PSMA6: variants seen among roughly 807,000 people sequenced by gnomAD.
PSMA6 encodes proteasome subunit alpha type-6.
For missense variants in PSMA6, 170 were observed against 294.8 expected, an observed-to-expected ratio of 0.58 and a Z score of 3.10; for synonymous variants, 88 against 97.7, an observed-to-expected ratio of 0.90 and a Z score of 0.59.
At chr14:35,284,166 A>G (rs898283410) in intron 1 of PSMA6, among the ~76,000 whole-genome samples, 4 of 152,068 alleles carry the variant, frequency 2.6e-5, no homozygotes, top group Non-Finnish European at 4.4e-5. Flanking sequence ...ACCCTAATCC[A>G]AAACATTTTT....
chr14:35,294,274 A>AC (rs35985921), intron 1 of PSMA6, among the ~76,000 whole-genome samples: 23,122 of 152,072 alleles, frequency 0.15, 3,345 homozygotes, highest in African/African-American at 0.37. Flanking sequence ...CAGGTGATCC[A>AC]CCCACCTCGG....
intron 5 of PSMA6, chr14:35,313,780 G>A (rs1011597229): frequency 4.6e-5 from 7 of 152,214 alleles, no homozygotes; most frequent in South Asian, 2.1e-4. Context: ...CCAACATGGC[G>A]AAACCCTGTC....
chr14:35,312,186 A>C (rs2051955418), intron 4 of PSMA6, among the ~76,000 whole-genome samples: 1 of 134,996 alleles, frequency 7.4e-6, no homozygotes, highest in African/African-American at 2.9e-5. Context: ...GGCAACAGCG[A>C]GTCCTCGTCT....
At chr14:35,288,910 G>A (rs910122748), upstream of PSMA6, among the ~76,000 whole-genome samples, 3 of 152,188 alleles carry the variant, frequency 2.0e-5, no homozygotes, top group African/African-American at 7.2e-5. Flanking sequence ...ATGGCTTTCA[G>A]TGTGGCCCAA....
At chr14:35,293,433 G>A (rs1164321060) in intron 1 of PSMA6, among the ~76,000 whole-genome samples, 1 of 152,190 alleles carries the variant, frequency 6.6e-6, no homozygotes, top group African/African-American at 2.4e-5. Flanking sequence ...AGTGTCAGGA[G>A]GGCTTGATTT....
chr14:35,302,673 G>A (rs1473810803), intron 1 of PSMA6, among the ~76,000 whole-genome samples: 1 of 151,842 alleles, frequency 6.6e-6, no homozygotes. Flanking sequence ...TACACATTTT[G>A]ATGTAGACCC....
chr14:35,317,181 C>G, intron 6 of PSMA6, 68 bp from the exon 7 acceptor site: 1 of 1,206,820 alleles, frequency 8.3e-7, no homozygotes, highest in Non-Finnish European at 1.2e-6. Flanking sequence ...ATTATACTAT[C>G]CCACTTTTAC....
chr14:35,305,406 G>A (rs1228371267), intron 1 of PSMA6, among the ~76,000 whole-genome samples: 2 of 151,992 alleles, frequency 1.3e-5, no homozygotes, highest in African/African-American at 4.8e-5. Flanking sequence ...AAATTGCTAG[G>A]ATTACAGATG....
At chr14:35,291,921 G>A (rs1462057259), upstream of PSMA6, among the ~76,000 whole-genome samples, 1 of 151,588 alleles carries the variant, frequency 6.6e-6, no homozygotes, top group East Asian at 1.9e-4. Flanking sequence ...TCTTTCCAGC[G>A]GCTGCTTGAA....
chr14:35,313,874 G>A (rs1277389713), intron 5 of PSMA6: 3 of 152,384 alleles, frequency 2.0e-5, no homozygotes, highest in African/African-American at 7.2e-5. Flanking sequence ...CAGGAGACTC[G>A]CTTGAATCCA....
intron 1 of PSMA6, 32 bp downstream of exon 1, chr14:35,292,584 T>C: frequency 6.2e-7 from 1 of 1,609,238 alleles, no homozygotes; most frequent in Middle Eastern, 1.7e-4. Context: ...GTGGGCCACC[T>C]GAATTGCCCT....
upstream of PSMA6, among the ~76,000 whole-genome samples, chr14:35,291,359 A>C (rs1228718324): frequency 6.6e-6 from 1 of 151,068 alleles, no homozygotes; most frequent in Non-Finnish European, 1.5e-5. Flanking sequence ...ATGGGACTAC[A>C]GGCGCCCGCC....
At chr14:35,312,834 C>A in intron 4 of PSMA6, 47 bp from the exon 5 acceptor site, 1 of 1,496,830 alleles carries the variant, frequency 6.7e-7, no homozygotes, top group Non-Finnish European at 9.0e-7. Flanking sequence ...GAGGAGATGT[C>A]ATTGTATAAA....
At chr14:35,308,881 T>TA (rs776410946) in intron 2 of PSMA6, 33 bp from the exon 3 acceptor site, 19 of 1,499,120 alleles carry the variant, frequency 1.3e-5, no homozygotes, top group Admixed American at 7.4e-5. Context: ...GTATGTTTTT[T>TA]AAAAAATTAT....
intron 1 of PSMA6, among the ~76,000 whole-genome samples, chr14:35,294,190 G>A (rs763656524): frequency 1.3e-4 from 20 of 152,114 alleles, no homozygotes; most frequent in Non-Finnish European, 2.4e-4. Context: ...ACAGGCATGC[G>A]CCACCACGCC....
intron 1 of PSMA6, among the ~76,000 whole-genome samples, chr14:35,297,149 C>T (rs1388607847): frequency 2.0e-5 from 2 of 99,114 alleles, no homozygotes; most frequent in African/African-American, 7.0e-5. Flanking sequence ...TTTTTTTTGC[C>T]ACACAGCATT....
At chr14:35,290,111 G>A (rs533420236), upstream of PSMA6, among the ~76,000 whole-genome samples, 1 of 152,162 alleles carries the variant, frequency 6.6e-6, no homozygotes, top group South Asian at 2.1e-4. Flanking sequence ...GGGTTTTGAG[G>A]TGCCATATGT....
At chr14:35,296,445 C>T (rs1445016457) in intron 1 of PSMA6, among the ~76,000 whole-genome samples, 1 of 152,156 alleles carries the variant, frequency 6.6e-6, no homozygotes, top group African/African-American at 2.4e-5. Flanking sequence ...ATTCTCCTGC[C>T]TCAGCCTCCC....
chr14:35,285,238 T>G (rs1450947633), intron 1 of PSMA6, among the ~76,000 whole-genome samples: 1 of 151,206 alleles, frequency 6.6e-6, no homozygotes, highest in East Asian at 1.9e-4. Flanking sequence ...CCCAGCTACT[T>G]GGGAGGCTGA....
Sources: gnomAD v4.1 joint callset for allele counts (sites outside exome capture counted in the v4.1 genomes callset) on GRCh38, gnomAD v4.1.1 for gene constraint, MANE v1.5 for transcripts, NCBI Gene and HGNC (gene_info 2026-07-23, HGNC 2026-07-21) for gene names.